The following SMO variants were observed in gnomAD, a reference collection of about 807,000 sequenced individuals.
The protein encoded by SMO is smoothened, frizzled class receptor.
A neutral mutation model predicts 81.6 loss-of-function variants in SMO; 40 were observed. The ratio of observed to expected loss-of-function variants is 0.49; its 90% CI spans 0.38 to 0.64. The LOEUF (loss-of-function observed/expected upper bound fraction) is 0.64, where lower values mean the gene tolerates loss of function less well. SMO is among the 30% of genes least tolerant of loss of function. The pLI is 0.00. For synonymous variants in SMO, 434 were observed against 432.1 expected (o/e 1.00, Z -0.05); for missense variants, 916 against 1,061.1 (o/e 0.86, Z 1.90).
chr7:129,205,828 T>A (rs746023197), intron 4 of SMO, 46 bp downstream of exon 4: 1 of 1,563,696 alleles, frequency 6.4e-7, no homozygotes, highest in Non-Finnish European at 8.7e-7. Context: ...GGAGGAAGGC[T>A]GAAGTGTGCG....
chr7:129,191,948 T>TG (rs1319967759), intron 1 of SMO, among the ~76,000 whole-genome samples: 2 of 152,090 alleles, frequency 1.3e-5, no homozygotes, highest in African/African-American at 4.8e-5. Flanking sequence ...AGGCTGGACA[T>TG]GGTGCTCACA....
chr7:129,193,479 C>T (rs886473006), intron 1 of SMO, among the ~76,000 whole-genome samples: 1 of 151,828 alleles, frequency 6.6e-6, no homozygotes. Flanking sequence ...ATATATATGG[C>T]CGGGCGCGGT....
chr7:129,209,233 A>G, intron 7 of SMO, 56 bp from the exon 8 acceptor site: 1 of 1,054,740 alleles, frequency 9.5e-7, no homozygotes, highest in Non-Finnish European at 1.5e-6. Flanking sequence ...TCTCCTCCCC[A>G]CTGCTGCTGC....
chr7:129,211,190 G>A lies in SMO; in HGVS notation c.1801+77G>A, dbSNP rs2150655084. The A allele has an allele frequency of 2.1e-6, 3 of 1,440,658 alleles. No homozygotes were observed. The highest frequency in any genetic ancestry group is 1.9e-6 in the Non-Finnish European group (2 of 1,048,552). The allele number at this position is 1,440,658 out of a possible 1,614,324, so 89.2% of individuals were successfully genotyped here. ...TGCTAGTCTCTCCCAGCCTGCTGGG[G>A]GCACACAGATTATTTGGAAGACCGA... On this transcript the variant is annotated intron_variant, in intron 10 of 11. Coordinates refer to ENST00000249373, the MANE Select transcript of SMO (RefSeq NM_005631.5). This position sits in a 1 kb window ranked among gnomAD's most constrained non-coding sequence, Gnocchi z 4.6.
At chr7:129,207,164 T>A (rs1305801001) in intron 6 of SMO, among the ~76,000 whole-genome samples, 3 of 151,974 alleles carry the variant, frequency 2.0e-5, no homozygotes, top group Non-Finnish European at 4.4e-5. Context: ...TTAGGTGGAG[T>A]TGGGTCAGGA....
rs1793608957 is a variant in SMO at position 129,197,699 on chromosome 7, G to A, written c.332-5685G>A. 2.6e-5 allele frequency among the ~76,000 whole-genome samples: 4 copies of A among 152,176 alleles called. No individual in the cohort carries two copies. In the South Asian group the frequency reaches 6.2e-4, roughly 24 times the overall value. On this transcript the variant is annotated intron_variant, in intron 1 of 11. Transcript: ENST00000249373. ...GCCTCCCAAAGTGCTAGGATTACAG[G>A]TGTGAGCCACTGCGCCCGGCTGAAT...
At position 129,208,733 on chromosome 7, in the gene SMO, A is replaced by C; in HGVS notation, c.1265-26A>C. ...CAGCAGGGCAGCCTCACCCCTGCTA[A>C]TGTCTGAGGTCCCCCTTCTGTTCAG... On this transcript the variant is annotated intron_variant, in intron 6 of 11. Transcript: ENST00000249373. The surrounding 1 kb of genome is among the most constrained non-coding windows in gnomAD (Gnocchi z 5.2). 6.6e-7 allele frequency: 1 copy of C among 1,508,436 alleles called. No individual in the cohort carries two copies. Among genetic ancestry groups the C allele is most frequent in the Non-Finnish European group, 9.2e-7 (1 of 1,084,444 alleles). 93.4% of individuals were successfully genotyped at this position (1,508,436 alleles called of 1,614,324 possible).
At chr7:129,191,379 T>C (rs143332559) in intron 1 of SMO, among the ~76,000 whole-genome samples, 1,653 of 152,296 alleles carry the variant, frequency 0.011, 23 homozygotes, top group East Asian at 0.029. Context: ...TCTGTGCCTT[T>C]TGGCAGGGCA....
Position 129,210,970 on chromosome 7 carries a change from C to G in SMO, c.1658C>G (p.Thr553Ser), listed in dbSNP as rs2150654542. ...LIWRRTWCRL[T>S]GQSDDEPKRI... ...CCTATCCCTTCTGCTCTCAGGTTGA[C>G]TGGGCAGAGTGACGATGAGCCAAAG... The change falls in exon 10 of 12, where the codon ACT (threonine) becomes AGT (serine). Residue 553 changes from threonine (T) to serine (S), a missense_variant. By Grantham distance (58) the Thr-to-Ser change is moderately conservative. Transcript: ENST00000249373. The surrounding 1 kb of genome is among the most constrained non-coding windows in gnomAD (Gnocchi z 4.7). 6.2e-7 allele frequency: 1 copy of G among 1,606,228 alleles called. No homozygotes were observed. The highest frequency in any genetic ancestry group is 8.5e-7 in the Non-Finnish European group (1 of 1,176,222).
In SMO at chr7:129,206,555, T is replaced by C. The variant is rs1325213272; in HGVS notation, c.1232T>C (p.Val411Ala). ...AGFVLAPIGLVLIVGGYFLIR... is the reference protein window; with the variant it reads ...AGFVLAPIGLALIVGGYFLIR... ...TTCGTGCTGGCCCCAATCGGCCTGG[T>C]GCTCATCGTGGGAGGCTACTTCCTC... Residue 411 changes from valine (V) to alanine (A), a missense_variant, in exon 6 of 12, where the codon GTG (valine) becomes GCG (alanine). Physicochemically the swap from Val to Ala is moderately conservative, Grantham distance 64. Coordinates refer to ENST00000249373, the MANE Select transcript of SMO (RefSeq NM_005631.5). This position sits in a 1 kb window ranked among gnomAD's most constrained non-coding sequence, Gnocchi z 4.4. The C allele has an allele frequency of 3.7e-6, 6 of 1,614,056 alleles. No individual in the cohort carries two copies. Among genetic ancestry groups the C allele is most frequent in the Non-Finnish European group, 5.1e-6 (6 of 1,180,050 alleles).
chr7:129,190,396 A>G lies in SMO; in HGVS notation c.331+914A>G, dbSNP rs997700480. Among the ~76,000 whole-genome samples the G allele has an allele frequency of 3.3e-5, 5 of 152,278 alleles. No homozygotes were observed. In the East Asian group the frequency reaches 9.6e-4, roughly 29 times the overall value. On this transcript the variant is annotated intron_variant, in intron 1 of 11. Coordinates refer to ENST00000249373, the MANE Select transcript of SMO (RefSeq NM_005631.5). ...TGTCACTTTTCTAGATGAGGCTTGG[A>G]GGGTGCTGAGGAAGGGAGCTGGCCT... is the stretch of plus-strand genomic sequence containing the variant.
chr7:129,189,511 G>A lies in SMO; in HGVS notation c.331+29G>A. The A allele has an allele frequency of 6.5e-7, 1 of 1,533,838 alleles. No homozygotes were observed. The highest frequency in any genetic ancestry group is 8.7e-7 in the Non-Finnish European group (1 of 1,146,178). ...AGTGCGGCGGAGCCGGGTCTGGGGG[G>A]CGGGAGGTGCCGCGGTAAGATGGGG... is the stretch of plus-strand genomic sequence containing the variant. On this transcript the variant is annotated intron_variant, in intron 1 of 11. Coordinates refer to ENST00000249373, the MANE Select transcript of SMO (RefSeq NM_005631.5). This position sits in a 1 kb window ranked among gnomAD's most constrained non-coding sequence, Gnocchi z 4.7.
intron 1 of SMO, among the ~76,000 whole-genome samples, chr7:129,198,226 T>C (rs752507924): frequency 6.6e-6 from 1 of 152,218 alleles, no homozygotes; most frequent in African/African-American, 2.4e-5. Flanking sequence ...ATGCTAGGAT[T>C]ATAGGCGTGA....
chr7:129,201,981 A>G (rs1256218360), intron 1 of SMO, among the ~76,000 whole-genome samples: 1 of 152,090 alleles, frequency 6.6e-6, no homozygotes. Flanking sequence ...GCGCCTGGCC[A>G]ACTGGTGACT....
chr7:129,199,903 G>A lies in SMO; in HGVS notation c.332-3481G>A, dbSNP rs73230584. 3.9e-3 allele frequency among the ~76,000 whole-genome samples: 589 copies of A among 152,090 alleles called. 2 individuals carry two copies. The highest frequency in any genetic ancestry group is 0.01 in the Middle Eastern group (3 of 294). ...AAATGTGATCTGTTATTTGTCTTTC[G>A]CCTGTGTGTCTATAGAATTATGCAA... is the stretch of plus-strand genomic sequence containing the variant. On this transcript the variant is annotated intron_variant, in intron 1 of 11. Transcript: ENST00000249373.
At chr7:129,191,991 G>A (rs950304842) in intron 1 of SMO, among the ~76,000 whole-genome samples, 2 of 152,062 alleles carry the variant, frequency 1.3e-5, no homozygotes, top group Non-Finnish European at 2.9e-5. Flanking sequence ...AGGCCGAGGC[G>A]GGAAGATTGC....
chr7:129,199,848 T>A (rs1053155696), intron 1 of SMO, among the ~76,000 whole-genome samples: 1 of 152,252 alleles, frequency 6.6e-6, no homozygotes, highest in African/African-American at 2.4e-5. Context: ...TTATACTTTT[T>A]ATCACAGTGA....
Position 129,205,677 on chromosome 7 carries a change from C to T in SMO, c.815C>T (p.Ala272Val), listed in dbSNP as rs748004767. 3.5e-5 allele frequency: 57 copies of T among 1,613,742 alleles called. No homozygotes were observed. Among genetic ancestry groups the T allele is most frequent in the Admixed American group, 6.7e-5 (4 of 60,010 alleles). The change falls in exon 4 of 12, where the codon GCG becomes GTG. Residue 272 changes from alanine to valine, a missense_variant. Coordinates refer to ENST00000249373, the MANE Select transcript of SMO (RefSeq NM_005631.5). The stretch of plus-strand genomic sequence containing the variant: ...GCTGTTATTCTCTTCTACGTCAATG[C>T]GTGCTTCTTTGTGGGCAGCATTGGC... Reference protein sequence around the residue: ...YPAVILFYVNACFFVGSIGWL... With the variant: ...YPAVILFYVNVCFFVGSIGWL...
rs1584651472 is a variant in SMO, at chr7:129,189,519, T to G, written c.331+37T>G. 6.5e-7 allele frequency: 1 copy of G among 1,530,160 alleles called. No individual in the cohort carries two copies. 94.8% of individuals were successfully genotyped at this position (1,530,160 alleles called of 1,614,324 possible). On this transcript the variant is annotated intron_variant, in intron 1 of 11. Coordinates refer to ENST00000249373, the MANE Select transcript of SMO (RefSeq NM_005631.5). This position sits in a 1 kb window ranked among gnomAD's most constrained non-coding sequence, Gnocchi z 4.7. ...GGAGCCGGGTCTGGGGGGCGGGAGGTGCCGCGGTAAGATGGGGGCACCCTT... is the reference window on the plus strand; with the variant it reads ...GGAGCCGGGTCTGGGGGGCGGGAGGGGCCGCGGTAAGATGGGGGCACCCTT...
Sources: allele counts gnomAD v4.1 joint callset (sites outside exome capture counted in the v4.1 genomes callset), GRCh38; gene constraint gnomAD v4.1.1; non-coding constraint Gnocchi (gnomAD v3.1); transcripts MANE v1.5; gene names NCBI Gene and HGNC (gene_info 2026-07-23, HGNC 2026-07-21).